The following XPNPEP3 variants were observed in gnomAD, a reference collection of about 807,000 sequenced individuals.
XPNPEP3 encodes the protein xaa-Pro aminopeptidase 3.
A neutral mutation model predicts 60.0 loss-of-function variants in XPNPEP3; 41 were observed. That is an observed-to-expected ratio of 0.68 (90% CI 0.53 to 0.89). XPNPEP3 has a LOEUF of 0.89. Among genes scored for constraint, XPNPEP3 ranks in the 40% least tolerant of loss-of-function variants. The pLI, the probability that XPNPEP3 is intolerant of heterozygous loss-of-function variation, is 0.00. For synonymous variants in XPNPEP3, 212 were observed against 223.2 expected (o/e 0.95, Z 0.45); for missense variants, 598 against 638.9 (o/e 0.94, Z 0.69).
At chr22:40,867,968 ACTC>A (rs2057986973) in intron 1 of XPNPEP3, among the ~76,000 whole-genome samples, 1 of 151,270 alleles carries the variant, frequency 6.6e-6, no homozygotes, top group Non-Finnish European at 1.5e-5. Flanking sequence ...AACAAACAAA[ACTC>A]CTTATGTGTG....
intron 4 of XPNPEP3, among the ~76,000 whole-genome samples, chr22:40,904,765 A>T (rs144316729): frequency 5.3e-5 from 8 of 152,124 alleles, no homozygotes; most frequent in African/African-American, 1.7e-4. Flanking sequence ...TTGATTTTTT[A>T]ATTTTTTTAT....
At chr22:40,887,954 A>T (rs1018831453) in intron 4 of XPNPEP3, among the ~76,000 whole-genome samples, 1 of 152,240 alleles carries the variant, frequency 6.6e-6, no homozygotes, top group Non-Finnish European at 1.5e-5. Context: ...TGAAATGTGC[A>T]TAACATAAAA....
chr22:40,894,700 G>C (rs1001093918), intron 4 of XPNPEP3, among the ~76,000 whole-genome samples: 12 of 152,252 alleles, frequency 7.9e-5, no homozygotes, highest in Admixed American at 4.6e-4. Flanking sequence ...TCATAGACTT[G>C]GTTGCCATTT....
chr22:40,923,038 C>A (rs1302293752), intron 8 of XPNPEP3, among the ~76,000 whole-genome samples: 1 of 152,004 alleles, frequency 6.6e-6, no homozygotes, highest in African/African-American at 2.4e-5. Flanking sequence ...CATAGCAAGA[C>A]CCTATCTCTA....
intron 4 of XPNPEP3, chr22:40,888,527 AGCTGCC>A: frequency 7.2e-6 from 2 of 279,188 alleles, no homozygotes; most frequent in Non-Finnish European, 1.5e-5. Context: ...TACAGGTATG[AGCTGCC>A]ATGCCCAGCT....
intron 1 of XPNPEP3, chr22:40,860,876 GCACCAACTGT>G: frequency 1.5e-6 from 1 of 674,090 alleles, no homozygotes; most frequent in Non-Finnish European, 2.4e-6. Flanking sequence ...ATTCTTATTA[GCACCAACTGT>G]CACCACAAAC....
intron 4 of XPNPEP3, among the ~76,000 whole-genome samples, chr22:40,898,229 T>TGAGTTAATA (rs2058117227): frequency 1.2e-3 from 37 of 31,590 alleles, no homozygotes; most frequent in African/African-American, 4.4e-3. Context: ...TGACCCATTT[T>TGAGTTAATA]TTTTTTTTTT....
rs553135611 is a variant in XPNPEP3, at chr22:40,882,170, A to C, written c.582A>C (p.Lys194Asn). 239 of 1,614,168 alleles carry C rather than the reference A, an allele frequency of 1.5e-4. 2 individuals are homozygous for C. The South Asian group carries it at 2.5e-3, about 17-fold the overall frequency. ...AAGAATTTCAACATCTTCTACCAAA[A>C]ATGAAAGGTAACAAATGGGAGCAGA... ...TLEEFQHLLP[K>N]MKAETNMVWY... Residue 194 changes from lysine to asparagine, a missense_variant, in exon 3 of 10, where the codon AAA (lysine) becomes AAC (asparagine). Coordinates refer to ENST00000357137, the MANE Select transcript of XPNPEP3 (RefSeq NM_022098.4).
intron 1 of XPNPEP3, chr22:40,862,894 G>A (rs941678236): frequency 1.8e-5 from 5 of 272,154 alleles, no homozygotes; most frequent in African/African-American, 1.1e-4. Context: ...AATACAAATA[G>A]GAGAACAAAT....
At chr22:40,924,813 G>T (rs2058229306) in intron 9 of XPNPEP3, among the ~76,000 whole-genome samples, 1 of 152,092 alleles carries the variant, frequency 6.6e-6, no homozygotes, top group African/African-American at 2.4e-5. Flanking sequence ...GAGCTACCGC[G>T]CCCAGCCACA....
intron 6 of XPNPEP3, among the ~76,000 whole-genome samples, chr22:40,910,861 A>T (rs1458397839): frequency 1.3e-5 from 2 of 151,934 alleles, no homozygotes; most frequent in African/African-American, 4.8e-5. Flanking sequence ...AAAAAAAATT[A>T]GCTGGGTGTG....
rs1335358427 is a variant in XPNPEP3 at position 40,881,884 on chromosome 22, T to C, written c.296T>C (p.Val99Ala). The change falls in exon 3 of 10, where the codon GTG becomes GCG. Residue 99 changes from valine to alanine, a missense_variant. By Grantham distance (64) the Val-to-Ala change is moderately conservative. Coordinates refer to ENST00000357137, the MANE Select transcript of XPNPEP3 (RefSeq NM_022098.4). ...AGTGGGACAGACCAGACAGTGGTTG[T>C]GCTCTCCAACCCTACATACTACATG... is the stretch of plus-strand genomic sequence containing the variant. ...GQSGTDQTVV[V>A]LSNPTYYMSN... 1 of 1,614,210 alleles carries C rather than the reference T, an allele frequency of 6.2e-7. No individual in the cohort carries two copies. The highest frequency in any genetic ancestry group is 1.1e-5 in the South Asian group (1 of 91,082).
At chr22:40,892,477 G>A (rs115417309) in intron 4 of XPNPEP3, among the ~76,000 whole-genome samples, 6,754 of 152,168 alleles carry the variant, frequency 0.044, 481 homozygotes, top group African/African-American at 0.15. Context: ...GAGCCACCAC[G>A]CCTGGCTGGC....
At chr22:40,885,350 T>C (rs1466232302) in intron 3 of XPNPEP3, among the ~76,000 whole-genome samples, 1 of 151,928 alleles carries the variant, frequency 6.6e-6, no homozygotes, top group African/African-American at 2.4e-5. Context: ...CAAATCATTT[T>C]TATAATGAGC....
chr22:40,912,451 C>A (rs1331848663), intron 6 of XPNPEP3, among the ~76,000 whole-genome samples: 1 of 152,198 alleles, frequency 6.6e-6, no homozygotes, highest in African/African-American at 2.4e-5. Context: ...AAATTACTCA[C>A]AGTATTGTCT....
intron 2 of XPNPEP3, among the ~76,000 whole-genome samples, chr22:40,875,487 CTA>C (rs1203056629): frequency 4.6e-5 from 7 of 152,072 alleles, no homozygotes; most frequent in African/African-American, 1.7e-4. Context: ...AATGTAGTCT[CTA>C]TGTAAATAAA....
intron 9 of XPNPEP3, among the ~76,000 whole-genome samples, chr22:40,925,660 G>C (rs1276305033): frequency 3.3e-5 from 5 of 152,138 alleles, no homozygotes; most frequent in Non-Finnish European, 7.4e-5. Context: ...TTCATGATTA[G>C]AAAGGGTACC....
At chr22:40,862,786 TATTG>T (rs1328887891) in intron 1 of XPNPEP3, 68 of 982,688 alleles carry the variant, frequency 6.9e-5, no homozygotes, top group Non-Finnish European at 7.9e-5. Flanking sequence ...ACTGTATAAT[TATTG>T]ATTGTCTACT....
At chr22:40,912,741 G>A (rs1439806159) in intron 6 of XPNPEP3, among the ~76,000 whole-genome samples, 4 of 152,006 alleles carry the variant, frequency 2.6e-5, no homozygotes, top group Non-Finnish European at 5.9e-5. Context: ...GTTGTAGCGT[G>A]CGCCTGTAGT....
Sources: gnomAD v4.1 joint callset for allele counts (sites outside exome capture counted in the v4.1 genomes callset) on GRCh38, gnomAD v4.1.1 for gene constraint, MANE v1.5 for transcripts, NCBI Gene and HGNC (gene_info 2026-07-23, HGNC 2026-07-21) for gene names.